The following EPHX2 variants were observed in gnomAD, a reference collection of about 807,000 sequenced individuals.
EPHX2 encodes epoxide hydrolase 2.
In EPHX2, 74 loss-of-function variants were observed where a neutral mutation model predicts 78.7. That is an observed-to-expected ratio of 0.94 (90% CI 0.78 to 1.14). The LOEUF (loss-of-function observed/expected upper bound fraction) is 1.14. Among genes scored for constraint, EPHX2 ranks in the 50% most tolerant of loss-of-function variants. EPHX2 has a pLI of 0.00. For synonymous variants in EPHX2, 251 were observed against 255.2 expected (o/e 0.98, Z 0.16); for missense variants, 715 against 702.5 (o/e 1.02, Z -0.20).
Position 27,540,628 on chromosome 8 carries a change from G to A in EPHX2, c.1351G>A (p.Val451Met), listed in dbSNP as rs1408639478. ...CACTGAGGAGGAAATCCAGTTCTAT[G>A]TGCAGCAGTTCAAGAAGTCTGGTTT... ...MVTEEEIQFY[V>M]QQFKKSGFRG... The change falls in exon 15 of 19, where the codon GTG (valine) becomes ATG (methionine). Residue 451 changes from valine to methionine, a missense_variant. Coordinates refer to ENST00000521400, the MANE Select transcript of EPHX2 (RefSeq NM_001979.6). 5 of 1,614,004 alleles carry A rather than the reference G, an allele frequency of 3.1e-6. No homozygotes were observed. In the African/African-American group the frequency reaches 5.3e-5, roughly 17 times the overall value.
chr8:27,508,790 ACAGTT>A (rs1363567147), intron 5 of EPHX2, among the ~76,000 whole-genome samples: 3 of 152,026 alleles, frequency 2.0e-5, no homozygotes, highest in African/African-American at 7.3e-5. Context: ...GTGTGTGTGG[ACAGTT>A]CAGTGATGTT....
At chr8:27,543,645 A>G (rs1363825065) in intron 16 of EPHX2, 104 bp from the exon 17 acceptor site, 5 of 1,149,384 alleles carry the variant, frequency 4.4e-6, no homozygotes, top group Non-Finnish European at 6.4e-6. Context: ...CGGCAGATAC[A>G]ACGTCAGGAC....
intron 8 of EPHX2, among the ~76,000 whole-genome samples, chr8:27,516,917 C>T (rs953056883): frequency 2.8e-5 from 4 of 144,194 alleles, no homozygotes; most frequent in Admixed American, 6.9e-5. Flanking sequence ...AATTTCCTTC[C>T]TATTTTTTTT....
chr8:27,547,818 G>C (rs1216388020), downstream of EPHX2, among the ~76,000 whole-genome samples: 1 of 152,080 alleles, frequency 6.6e-6, no homozygotes, highest in Non-Finnish European at 1.5e-5. Flanking sequence ...TTCACTTTCT[G>C]TTTCTGGCTT....
intron 3 of EPHX2, 124 bp from the exon 4 acceptor site, chr8:27,504,832 C>A: frequency 2.1e-6 from 2 of 951,242 alleles, no homozygotes; most frequent in South Asian, 1.6e-5. Context: ...GAAAGTTGGG[C>A]ATAAGAGATT....
chr8:27,503,878 A>G (rs1267565535), intron 3 of EPHX2, 115 bp downstream of exon 3: 6 of 1,323,950 alleles, frequency 4.5e-6, no homozygotes, highest in African/African-American at 1.5e-5. Context: ...GCCACGATGG[A>G]AAGCCTCTTT....
intron 7 of EPHX2, 71 bp from the exon 8 acceptor site, chr8:27,516,249 A>G: frequency 7.1e-7 from 1 of 1,401,910 alleles, no homozygotes. Context: ...AAGGGGATGG[A>G]GGGAAGCAAA....
chr8:27,491,345 G>A lies in EPHX2; in HGVS notation c.101+36G>A, dbSNP rs764791006. 1.1e-5 allele frequency: 16 copies of A among 1,415,946 alleles called. No homozygotes were observed. The South Asian group carries it at 1.9e-4, about 17-fold the overall frequency. 87.7% of individuals were successfully genotyped at this position (1,415,946 alleles called of 1,614,324 possible). On this transcript the variant is annotated intron_variant, in intron 1 of 18. Coordinates refer to ENST00000521400, the MANE Select transcript of EPHX2 (RefSeq NM_001979.6). ...CCAGCGCCGCCGCCGCAGTGGGTCGGGGCCTCAGGAGGCAGACCGCGCTGG... is the reference window on the plus strand; with the variant it reads ...CCAGCGCCGCCGCCGCAGTGGGTCGAGGCCTCAGGAGGCAGACCGCGCTGG...
rs951527124 is a variant in EPHX2 at position 27,491,183 on chromosome 8, G to C, written c.-26G>C. 3.2e-6 allele frequency: 5 copies of C among 1,558,072 alleles called. No homozygotes were observed. The African/African-American group carries it at 4.1e-5, about 13-fold the overall frequency. On this transcript the variant is annotated 5_prime_UTR_variant, in exon 1 of 19. Coordinates refer to ENST00000521400, the MANE Select transcript of EPHX2 (RefSeq NM_001979.6). ...CATCTCCCAGGTTAGCTGCGTGTCC[G>C]GGTGCTAGGCTGCAGACCCGCCGCC...
At chr8:27,508,245 AT>A (rs1406133516) in intron 5 of EPHX2, among the ~76,000 whole-genome samples, 3 of 152,188 alleles carry the variant, frequency 2.0e-5, no homozygotes, top group African/African-American at 7.2e-5. Context: ...GGAGGTTGCA[AT>A]GATTCAAGAT....
At chr8:27,501,389 T>TC (rs1554519562) in intron 2 of EPHX2, among the ~76,000 whole-genome samples, 7,465 of 137,424 alleles carry the variant, frequency 0.054, 389 homozygotes, top group Non-Finnish European at 0.066. Context: ...TTCTTCTTCT[T>TC]CTTCTTTCTT....
chr8:27,500,599 C>T (rs773478120), intron 1 of EPHX2, among the ~76,000 whole-genome samples: 7 of 152,136 alleles, frequency 4.6e-5, no homozygotes, highest in Non-Finnish European at 1.5e-5. Flanking sequence ...CTGGTGCACA[C>T]GAGGACAGTA....
intron 1 of EPHX2, among the ~76,000 whole-genome samples, chr8:27,500,137 G>GATTACATT (rs1318141641): frequency 5.9e-5 from 9 of 152,306 alleles, no homozygotes; most frequent in African/African-American, 2.2e-4. Flanking sequence ...GTTGGAGGAG[G>GATTACATT]GGGTTGGTGG....
rs532464858 is a variant in EPHX2 at position 27,521,702 on chromosome 8, G to A, written c.973-721G>A. On this transcript the variant is annotated intron_variant, in intron 10 of 18. Transcript: ENST00000521400. ...TGATGGGGACAGGGAACAGGGCATG[G>A]CCCAGAGTGGCCACCCAGTCCTGAC... Among the ~76,000 whole-genome samples the A allele has an allele frequency of 3.9e-5, 6 of 152,336 alleles. No individual in the cohort carries two copies. In the East Asian group the frequency reaches 9.6e-4, roughly 24 times the overall value.
At chr8:27,540,773 A>C (rs1270212431) in intron 15 of EPHX2, 117 bp downstream of exon 15, 2 of 917,154 alleles carry the variant, frequency 2.2e-6, no homozygotes, top group African/African-American at 3.3e-5. Context: ...CGTTAGTGCC[A>C]GGCCAGCCTC....
chr8:27,520,160 T>A (rs1193059639), intron 9 of EPHX2, among the ~76,000 whole-genome samples: 3 of 151,380 alleles, frequency 2.0e-5, no homozygotes, highest in Non-Finnish European at 4.4e-5. Context: ...CCTTTTTTTT[T>A]AATTTTATTT....
Position 27,544,668 on chromosome 8 carries a change from T to C in EPHX2, c.*146T>C, listed in dbSNP as rs1815530370. ...GGTTTGCAGAAAAAAAAGATTTTCTTTACATAAAGTGAATCAAATTTGACA... is the reference window on the plus strand; with the variant it reads ...GGTTTGCAGAAAAAAAAGATTTTCTCTACATAAAGTGAATCAAATTTGACA... On this transcript the variant is annotated 3_prime_UTR_variant, in exon 19 of 19. Coordinates refer to ENST00000521400, the MANE Select transcript of EPHX2 (RefSeq NM_001979.6). 1 of 753,330 alleles carries C rather than the reference T, an allele frequency of 1.3e-6. No individual in the cohort carries two copies. The highest frequency in any genetic ancestry group is 2.7e-5 in the Admixed American group (1 of 36,500). 46.7% of individuals were successfully genotyped at this position (753,330 alleles called of 1,614,324 possible).
chr8:27,538,874 G>A (rs1171682487), intron 14 of EPHX2, 182 bp downstream of exon 14: 1 of 640,650 alleles, frequency 1.6e-6, no homozygotes, highest in South Asian at 1.8e-5. Flanking sequence ...CACACAGCCT[G>A]GAGTTCCTAC....
intron 7 of EPHX2, among the ~76,000 whole-genome samples, chr8:27,516,016 G>A (rs192564072): frequency 1.3e-4 from 20 of 152,316 alleles, no homozygotes; most frequent in Non-Finnish European, 2.2e-4. Flanking sequence ...TTAGAAAAGG[G>A]CAGACTTCTT....
Sources: gnomAD v4.1 joint callset for allele counts (sites outside exome capture counted in the v4.1 genomes callset) on GRCh38, gnomAD v4.1.1 for gene constraint, MANE v1.5 for transcripts, NCBI Gene and HGNC (gene_info 2026-07-23, HGNC 2026-07-21) for gene names.